AGO3: variants seen among roughly 807,000 people sequenced by gnomAD.
AGO3 encodes argonaute RISC catalytic component 3, also known as protein argonaute-3.
In AGO3, 16 loss-of-function variants were observed where a neutral mutation model predicts 105.5. That is an observed-to-expected ratio of 0.15 (90% CI 0.10 to 0.23). AGO3 has a LOEUF of 0.23. Ranked by LOEUF, AGO3 falls within the 10% of genes least tolerant of loss-of-function variation. AGO3 has a pLI of 1.00. For synonymous variants in AGO3, 340 were observed against 367.3 expected (o/e 0.93, Z 0.85); for missense variants, 534 against 1,088.0 (o/e 0.49, Z 7.16).
At chr1:35,997,466 C>T (rs1457346414) in intron 5 of AGO3, among the ~76,000 whole-genome samples, 1 of 152,108 alleles carries the variant, frequency 6.6e-6, no homozygotes, top group African/African-American at 2.4e-5. Flanking sequence ...CAGCAGCAAA[C>T]CACAGCTCCT....
intron 3 of AGO3, among the ~76,000 whole-genome samples, chr1:35,970,298 CACAT>C (rs1646842063): frequency 6.6e-6 from 1 of 152,118 alleles, no homozygotes; most frequent in Admixed American, 6.6e-5. Context: ...GTAAATCTAA[CACAT>C]ATATATAGGA....
intron 2 of AGO3, among the ~76,000 whole-genome samples, chr1:35,966,093 G>T (rs979379304): frequency 2.0e-5 from 3 of 152,112 alleles, no homozygotes; most frequent in Non-Finnish European, 4.4e-5. Flanking sequence ...CCAAAGTGCT[G>T]GGATTACAGG....
In AGO3 at chr1:36,055,728, A is replaced by T. The variant is rs536466241; in HGVS notation, c.2566A>T (p.Thr856Ser). The change falls in exon 19 of 19, where the codon ACA (threonine) becomes TCA (serine). Residue 856 changes from threonine (T) to serine (S), a missense_variant. Coordinates refer to ENST00000373191, the MANE Select transcript of AGO3 (RefSeq NM_024852.4). This position sits in a 1 kb window ranked among gnomAD's most constrained non-coding sequence, Gnocchi z 4.4. Reference sequence around the variant, plus strand: ...ACAGATTCACCAAGATACCTTACGCACAATGTACTTCGCTTAAATAGTCCA... The same window carrying T: ...ACAGATTCACCAAGATACCTTACGCTCAATGTACTTCGCTTAAATAGTCCA... ...AVQIHQDTLRTMYFA is the reference protein window; with the variant it reads ...AVQIHQDTLRSMYFA 1.9e-6 allele frequency: 3 copies of T among 1,614,188 alleles called. No individual in the cohort carries two copies. In the African/African-American group the frequency reaches 4.0e-5, roughly 22 times the overall value.
chr1:36,001,476 C>A (rs1016942221), intron 5 of AGO3, among the ~76,000 whole-genome samples: 1 of 152,114 alleles, frequency 6.6e-6, no homozygotes, highest in Non-Finnish European at 1.5e-5. Context: ...TTAGTACATA[C>A]AAGGCACAGT....
intron 9 of AGO3, among the ~76,000 whole-genome samples, chr1:36,013,080 G>A (rs1640701538): frequency 6.6e-6 from 1 of 151,596 alleles, no homozygotes; most frequent in Admixed American, 6.6e-5. Context: ...GGGACCACAG[G>A]CACACAGCAC....
rs143860063 is a variant in AGO3, at chr1:35,954,238, A to G, written c.191+8375A>G. On this transcript the variant is annotated intron_variant, in intron 2 of 18. Transcript: ENST00000373191. ...AGTTAACAGATGGTAATTATTTCACATCTCAAAATTCTTTTAGAGTGGCAT... is the reference window on the plus strand; with the variant it reads ...AGTTAACAGATGGTAATTATTTCACGTCTCAAAATTCTTTTAGAGTGGCAT... Among the ~76,000 whole-genome samples the G allele has an allele frequency of 3.8e-3, 577 of 152,334 alleles. 5 individuals are homozygous for G. Among genetic ancestry groups the G allele is most frequent in the African/African-American group, 0.013 (556 of 41,588 alleles).
intron 1 of AGO3, among the ~76,000 whole-genome samples, chr1:35,938,111 G>C (rs957638418): frequency 1.1e-4 from 16 of 151,254 alleles, no homozygotes; most frequent in African/African-American, 3.9e-4. Flanking sequence ...CTCCCTAGTA[G>C]CTGGGATTAC....
intron 5 of AGO3, among the ~76,000 whole-genome samples, chr1:35,994,499 T>C (rs1046754249): frequency 8.5e-5 from 13 of 152,302 alleles, no homozygotes; most frequent in Admixed American, 8.5e-4. Flanking sequence ...ATGCTTGCTC[T>C]CATTATTTGG....
chr1:36,031,750 G>C (rs1430859693), intron 12 of AGO3, among the ~76,000 whole-genome samples: 2 of 152,054 alleles, frequency 1.3e-5, no homozygotes, highest in Admixed American at 1.3e-4. Flanking sequence ...CCATGAATTT[G>C]ACTATTCTAG....
intron 16 of AGO3, among the ~76,000 whole-genome samples, chr1:36,041,920 A>G (rs1642266418): frequency 6.6e-6 from 1 of 152,172 alleles, no homozygotes; most frequent in African/African-American, 2.4e-5. Context: ...TCATTAGTAG[A>G]GTGATGAGAA....
chr1:36,040,891 G>A (rs917200410), intron 16 of AGO3, among the ~76,000 whole-genome samples: 8 of 151,814 alleles, frequency 5.3e-5, no homozygotes, highest in Non-Finnish European at 1.0e-4. Flanking sequence ...TGGCCAACAC[G>A]GTGAAACCCT....
chr1:35,947,064 T>G (rs1351283765), intron 2 of AGO3, among the ~76,000 whole-genome samples: 1 of 152,136 alleles, frequency 6.6e-6, no homozygotes, highest in African/African-American at 2.4e-5. Context: ...TTGGTAAAAT[T>G]TTGGTTAGCT....
rs1646986476 is a variant in AGO3, at chr1:35,978,208, T to C, written c.658+4697T>C. On this transcript the variant is annotated intron_variant, in intron 5 of 18. Coordinates refer to ENST00000373191, the MANE Select transcript of AGO3 (RefSeq NM_024852.4). ...GTACCCAAATTTCTTGACACAATTT[T>C]TTTTGAGTTTTGCTCTTGTCACCCA... Among the ~76,000 whole-genome samples the C allele has an allele frequency of 3.3e-5, 5 of 152,138 alleles. No homozygotes were observed. In the South Asian group the frequency reaches 1.0e-3, roughly 32 times the overall value.
chr1:36,020,204 A>C (rs1465017884), intron 11 of AGO3, among the ~76,000 whole-genome samples: 2 of 152,218 alleles, frequency 1.3e-5, no homozygotes, highest in Non-Finnish European at 2.9e-5. Flanking sequence ...TAACACTGGA[A>C]TTGTATCCTC....
chr1:36,031,809 C>A (rs1354414695), intron 12 of AGO3, among the ~76,000 whole-genome samples: 1 of 151,712 alleles, frequency 6.6e-6, no homozygotes, highest in African/African-American at 2.4e-5. Flanking sequence ...GGCATAATAT[C>A]CTCAAGGTTC....
intron 9 of AGO3, among the ~76,000 whole-genome samples, chr1:36,009,895 GA>G (rs1233334984): frequency 2.0e-5 from 3 of 149,496 alleles, no homozygotes; most frequent in Non-Finnish European, 4.4e-5. Context: ...GAAATAGGAG[GA>G]AAAGTCAAAG....
chr1:36,013,888 C>T (rs1272640387), intron 10 of AGO3, 27 bp from the exon 11 acceptor site: 1 of 1,600,522 alleles, frequency 6.2e-7, no homozygotes, highest in Non-Finnish European at 8.5e-7. Context: ...TTCTTTTTCA[C>T]CATGTTATTT....
chr1:35,934,903 C>T (rs530466731), intron 1 of AGO3, among the ~76,000 whole-genome samples: 42 of 152,248 alleles, frequency 2.8e-4, no homozygotes, highest in African/African-American at 9.9e-4. Context: ...CTGCCTGCCT[C>T]GGCCTCCCAG....
In AGO3 at chr1:36,068,722, C is replaced by G. The variant is rs186962563; in HGVS notation, c.*12977C>G. 1.2e-4 allele frequency: 18 copies of G among 152,240 alleles called. No individual in the cohort carries two copies. Among genetic ancestry groups the G allele is most frequent in the African/African-American group, 4.1e-4 (17 of 41,538 alleles). 9.4% of individuals were successfully genotyped at this position (152,240 alleles called of 1,614,324 possible). A position where few individuals can be genotyped will look rare whatever the true frequency, so the allele number is the denominator to read the frequency against. On this transcript the variant is annotated 3_prime_UTR_variant, in exon 19 of 19. Coordinates refer to ENST00000373191, the MANE Select transcript of AGO3 (RefSeq NM_024852.4). ...GAATTAATACTTAACCTGTTCATTT[C>G]TCTTAATTTATGTATTTATTCTGAC... is the stretch of plus-strand genomic sequence containing the variant.
Sources: gnomAD v4.1 joint callset for allele counts (sites outside exome capture counted in the v4.1 genomes callset) on GRCh38, gnomAD v4.1.1 for gene constraint, Gnocchi (gnomAD v3.1) non-coding constraint, MANE v1.5 for transcripts, NCBI Gene and HGNC (gene_info 2026-07-23, HGNC 2026-07-21) for gene names.